DAG1: variants seen among roughly 807,000 people sequenced by gnomAD.
DAG1 encodes the protein dystroglycan 1, also known as dystroglycan 1 (dystrophin-associated glycoprotein 1).
A neutral mutation model predicts 46.1 loss-of-function variants in DAG1; 8 were observed. The ratio of observed to expected loss-of-function variants is 0.17; its 90% CI spans 0.10 to 0.31. DAG1 has a LOEUF of 0.31. Among genes scored for constraint, DAG1 ranks in the 10% least tolerant of loss-of-function variants. DAG1 has a pLI of 1.00. For missense variants in DAG1, 1,003 were observed against 1,189.9 expected, an observed-to-expected ratio of 0.84 and a Z score of 2.31; for synonymous variants, 495 against 481.8, an observed-to-expected ratio of 1.03 and a Z score of -0.36.
At chr3:49,524,817 TAC>T (rs1295718179) in intron 2 of DAG1, among the ~76,000 whole-genome samples, 2 of 151,784 alleles carry the variant, frequency 1.3e-5, no homozygotes, top group African/African-American at 4.8e-5. Flanking sequence ...ACCCTGTCTC[TAC>T]ACACCCACAC....
intron 2 of DAG1, among the ~76,000 whole-genome samples, chr3:49,522,311 C>T (rs565073111): frequency 2.3e-4 from 35 of 152,104 alleles, no homozygotes; most frequent in Non-Finnish European, 4.1e-4. Flanking sequence ...GGATTACAGG[C>T]GTGAGCCACT....
chr3:49,477,663 A>C (rs1025448388), intron 1 of DAG1, among the ~76,000 whole-genome samples: 1 of 152,182 alleles, frequency 6.6e-6, no homozygotes. Flanking sequence ...GTAGTGTGGA[A>C]GATAAAAGTG....
chr3:49,510,715 G>C lies in DAG1; in HGVS notation c.181G>C (p.Val61Leu). 7 of 1,614,208 alleles carry C rather than the reference G, an allele frequency of 4.3e-6. No homozygotes were observed. Among genetic ancestry groups the C allele is most frequent in the Non-Finnish European group, 5.1e-6 (6 of 1,180,044 alleles). ...HSVLSDLHEA[V>L]PTVVGIPDGT... ...AGTGCTCTCAGACCTCCACGAGGCT[G>C]TTCCCACAGTGGTTGGCATTCCTGA... The change falls in exon 2 of 3, where the codon GTT becomes CTT. Residue 61 changes from valine to leucine, a missense_variant. Coordinates refer to ENST00000308775, the MANE Select transcript of DAG1 (RefSeq NM_004393.6).
chr3:49,502,839 A>G (rs1304105890), intron 1 of DAG1, among the ~76,000 whole-genome samples: 5 of 151,960 alleles, frequency 3.3e-5, no homozygotes, highest in Non-Finnish European at 7.4e-5. Context: ...GGGTTTCACC[A>G]TGTTGGCCAG....
At position 49,510,406 on chromosome 3, in the gene DAG1, C is replaced by CTTTTTTTTTTTTT; in HGVS notation, c.-116-4_-116-3insTTTTTTTTTTTTT. 1.1e-6 allele frequency: 1 copy of CTTTTTTTTTTTTT among 925,384 alleles called. No individual in the cohort carries two copies. Among genetic ancestry groups the CTTTTTTTTTTTTT allele is most frequent in the South Asian group, 1.3e-5 (1 of 75,098 alleles). 57.3% of individuals were successfully genotyped at this position (925,384 alleles called of 1,614,324 possible). A position where few individuals can be genotyped will look rare whatever the true frequency, so the allele number is the denominator to read the frequency against. ...ATTGCTCAAGTCTAAACCTGCTTTT[C>CTTTTTTTTTTTTT]TTTTTTTTTCAGGCTCTGTGTGCTC... On this transcript the variant is annotated splice_polypyrimidine_tract_variant and intron_variant, in intron 1 of 2. Transcript: ENST00000308775.
intron 1 of DAG1, among the ~76,000 whole-genome samples, chr3:49,489,189 G>A (rs545831172): frequency 1.7e-4 from 26 of 151,826 alleles, no homozygotes; most frequent in African/African-American, 4.1e-4. Context: ...TCTGCCTCCC[G>A]GATTCAAGCG....
chr3:49,478,543 T>A (rs1190506651), intron 1 of DAG1, among the ~76,000 whole-genome samples: 58 of 148,724 alleles, frequency 3.9e-4, no homozygotes, highest in African/African-American at 1.3e-3. Context: ...TTTTTTTTTT[T>A]TTTTTTTTAA....
intron 1 of DAG1, among the ~76,000 whole-genome samples, chr3:49,471,978 G>T (rs1366407307): frequency 6.6e-6 from 1 of 152,120 alleles, no homozygotes; most frequent in African/African-American, 2.4e-5. Context: ...GGACATCAAG[G>T]CCTGGACACA....
At chr3:49,516,352 A>G (rs772139781) in intron 2 of DAG1, among the ~76,000 whole-genome samples, 2 of 152,230 alleles carry the variant, frequency 1.3e-5, no homozygotes, top group Non-Finnish European at 2.9e-5. Flanking sequence ...GCCTTGCTGT[A>G]TGCAGGGAGA....
intron 2 of DAG1, among the ~76,000 whole-genome samples, chr3:49,519,012 C>T (rs1052809546): frequency 1.3e-5 from 2 of 152,280 alleles, no homozygotes; most frequent in Non-Finnish European, 1.5e-5. Context: ...GACCCTTTCT[C>T]CTTATCAGGG....
intron 2 of DAG1, among the ~76,000 whole-genome samples, chr3:49,519,988 G>A (rs1312286816): frequency 3.9e-5 from 6 of 152,248 alleles, no homozygotes; most frequent in Non-Finnish European, 8.8e-5. Flanking sequence ...TATTGATCCT[G>A]TGGCGTTGGT....
chr3:49,523,822 G>A (rs1395999465), intron 2 of DAG1, among the ~76,000 whole-genome samples: 1 of 152,226 alleles, frequency 6.6e-6, no homozygotes, highest in Non-Finnish European at 1.5e-5. Flanking sequence ...ATGAGGTTGG[G>A]ATTGTTTCCC....
chr3:49,506,535 C>T lies in DAG1; in HGVS notation c.-116-3884C>T, dbSNP rs181370671. Among the ~76,000 whole-genome samples, 6 of 152,208 alleles carry T rather than the reference C, an allele frequency of 3.9e-5. No homozygotes were observed. In the East Asian group the frequency reaches 9.6e-4, roughly 24 times the overall value. Reference sequence around the variant, plus strand: ...AGTGTTGAATTTTGTCAGACACTTTCTCTGCATCAATTGGTATGACCATGT... The same window carrying T: ...AGTGTTGAATTTTGTCAGACACTTTTTCTGCATCAATTGGTATGACCATGT... On this transcript the variant is annotated intron_variant, in intron 1 of 2. Coordinates refer to ENST00000308775, the MANE Select transcript of DAG1 (RefSeq NM_004393.6).
chr3:49,513,948 C>G (rs936882847), intron 2 of DAG1, among the ~76,000 whole-genome samples: 1 of 152,042 alleles, frequency 6.6e-6, no homozygotes, highest in African/African-American at 2.4e-5. Flanking sequence ...TTAATCTTGG[C>G]CAGAAGTGCC....
chr3:49,480,588 C>G (rs189427406), intron 1 of DAG1, among the ~76,000 whole-genome samples: 1 of 145,108 alleles, frequency 6.9e-6, no homozygotes, highest in African/African-American at 2.4e-5. Flanking sequence ...CCACTGCGTC[C>G]GGCGCATATA....
chr3:49,531,228 G>A lies in DAG1; in HGVS notation c.717G>A (p.Ser239=), dbSNP rs780120566. ...TGAATAACAGACTATTTGACATGTC[G>A]GCCTTCATGGCTGGCCCGGGAAATG... ...PVVNNRLFDM[S]AFMAGPGNAK... is the part of the protein sequence containing the mutation. Residue 239 remains serine, a synonymous_variant, in exon 3 of 3, where the codon TCG becomes TCA. Coordinates refer to ENST00000308775, the MANE Select transcript of DAG1 (RefSeq NM_004393.6). The surrounding 1 kb of genome is among the most constrained non-coding windows in gnomAD (Gnocchi z 7.0). 24 of 1,613,990 alleles carry A rather than the reference G, an allele frequency of 1.5e-5. No homozygotes were observed. Among genetic ancestry groups the A allele is most frequent in the East Asian group, 4.5e-5 (2 of 44,900 alleles).
At position 49,493,763 on chromosome 3, in the gene DAG1, G is replaced by A. The variant is rs868036910; in HGVS notation, c.-116-16656G>A. 2.0e-5 allele frequency among the ~76,000 whole-genome samples: 3 copies of A among 152,180 alleles called. No homozygotes were observed. In the South Asian group the frequency reaches 6.2e-4, roughly 31 times the overall value. On this transcript the variant is annotated intron_variant, in intron 1 of 2. Transcript: ENST00000308775. The stretch of plus-strand genomic sequence containing the variant: ...AGCCCAGGAGCCTTGCGTTCACCAG[G>A]TCACTGGGAACTGGTGCTTTCTGAT...
chr3:49,498,828 C>T (rs192949442), intron 1 of DAG1, among the ~76,000 whole-genome samples: 61 of 152,084 alleles, frequency 4.0e-4, no homozygotes, highest in Middle Eastern at 6.8e-3. Context: ...TTCACCTCAG[C>T]CTCCCAAGTA....
At chr3:49,477,807 C>G (rs986711677) in intron 1 of DAG1, among the ~76,000 whole-genome samples, 3 of 151,692 alleles carry the variant, frequency 2.0e-5, no homozygotes, top group Non-Finnish European at 4.4e-5. Context: ...GATAAAAATA[C>G]AAAAATTAGC....
Sources: allele counts gnomAD v4.1 joint callset (sites outside exome capture counted in the v4.1 genomes callset), GRCh38; gene constraint gnomAD v4.1.1; non-coding constraint Gnocchi (gnomAD v3.1); transcripts MANE v1.5; gene names NCBI Gene and HGNC (gene_info 2026-07-23, HGNC 2026-07-21).